DAB1: variants seen among roughly 807,000 people sequenced by gnomAD.
The protein encoded by DAB1 is DAB adaptor protein 1.
A neutral mutation model predicts 64.6 loss-of-function variants in DAB1; 15 were observed. That is an observed-to-expected ratio of 0.23 (90% CI 0.16 to 0.36). The LOEUF (loss-of-function observed/expected upper bound fraction) is 0.36. Among genes scored for constraint, DAB1 ranks in the 10% least tolerant of loss-of-function variants. The probability of loss-of-function intolerance (pLI) is 1.00; values close to 1 mark genes in which losing one functional copy is unlikely to be tolerated. For missense variants in DAB1, 596 were observed against 706.7 expected (o/e 0.84, Z 1.78); for synonymous variants, 235 against 251.9 (o/e 0.93, Z 0.64).
At chr1:57,489,298 A>T (rs1021482665) in intron 7 of DAB1, among the ~76,000 whole-genome samples, 1 of 152,228 alleles carries the variant, frequency 6.6e-6, no homozygotes, top group African/African-American at 2.4e-5. Flanking sequence ...TACATGAATG[A>T]GAAACAGTTG....
At chr1:58,196,939 C>T (rs1413594293) in intron 4 of DAB1, among the ~76,000 whole-genome samples, 1 of 152,230 alleles carries the variant, frequency 6.6e-6, no homozygotes, top group Non-Finnish European at 1.5e-5. Flanking sequence ...CTACATGTTT[C>T]AGCTTCCCTT....
At chr1:58,407,564 A>G (rs1644628125) in intron 3 of DAB1, among the ~76,000 whole-genome samples, 1 of 152,152 alleles carries the variant, frequency 6.6e-6, no homozygotes, top group South Asian at 2.1e-4. Flanking sequence ...GAAGCCAAGG[A>G]TGCTGCTAAG....
intron 5 of DAB1, among the ~76,000 whole-genome samples, chr1:58,147,021 C>T (rs1363872433): frequency 6.6e-6 from 1 of 152,082 alleles, no homozygotes; most frequent in Admixed American, 6.6e-5. Flanking sequence ...ATAGTATAGC[C>T]ATTGGCTAGG....
chr1:57,638,532 C>T (rs1370250310), intron 7 of DAB1, among the ~76,000 whole-genome samples: 1 of 152,114 alleles, frequency 6.6e-6, no homozygotes, highest in Admixed American at 6.5e-5. Flanking sequence ...ATCATCATAA[C>T]TCAGCTTAGT....
chr1:57,227,054 T>C (rs1265049543), intron 2 of DAB1, among the ~76,000 whole-genome samples: 3 of 151,180 alleles, frequency 2.0e-5, no homozygotes, highest in Admixed American at 6.6e-5. Context: ...CATGTGCCTG[T>C]AGTCCCAGCT....
intron 4 of DAB1, among the ~76,000 whole-genome samples, chr1:58,283,162 CTT>C (rs1661604422): frequency 6.6e-6 from 1 of 151,792 alleles, no homozygotes; most frequent in Admixed American, 6.6e-5. Context: ...GCTCTCCTCT[CTT>C]GTTCTCATTC....
intron 5 of DAB1, among the ~76,000 whole-genome samples, chr1:58,017,029 T>C (rs1489856885): frequency 6.6e-6 from 1 of 152,124 alleles, no homozygotes; most frequent in Non-Finnish European, 1.5e-5. Flanking sequence ...GTTGAATCTC[T>C]TGCCCATGGT....
At chr1:57,086,672 C>A (rs1653110682) in intron 4 of DAB1, among the ~76,000 whole-genome samples, 1 of 150,544 alleles carries the variant, frequency 6.6e-6, no homozygotes, top group Non-Finnish European at 1.5e-5. Flanking sequence ...CACACACACA[C>A]ACACACACAC....
intron 1 of DAB1, among the ~76,000 whole-genome samples, chr1:57,362,281 C>A (rs1679614490): frequency 1.3e-5 from 2 of 152,080 alleles, no homozygotes; most frequent in Admixed American, 1.3e-4. Flanking sequence ...CATGTGGAGT[C>A]CTTAAAAGAG....
rs114776956 is a variant in DAB1 at position 57,634,416 on chromosome 1, A to G, written n.625+15176T>C. Reference sequence around the variant, plus strand: ...TGTGTTAAAATAGAGATAATAATATATAATCTTTTAGGATTACTCTAAGGA... The same window carrying G: ...TGTGTTAAAATAGAGATAATAATATGTAATCTTTTAGGATTACTCTAAGGA... On this transcript the variant is annotated intron_variant and non_coding_transcript_variant, in intron 7 of 20. Coordinates refer to the DAB1 transcript ENST00000485760. Among the ~76,000 whole-genome samples the G allele has an allele frequency of 7.6e-3, 1,161 of 152,364 alleles. 18 individuals carry two copies. Among genetic ancestry groups the G allele is most frequent in the African/African-American group, 0.027 (1,116 of 41,580 alleles).
At chr1:58,211,897 C>T (rs534513261) in intron 4 of DAB1, among the ~76,000 whole-genome samples, 7 of 152,198 alleles carry the variant, frequency 4.6e-5, no homozygotes, top group South Asian at 2.1e-4. Flanking sequence ...CGTTTTCAGA[C>T]GCTCTGTCCT....
intron 9 of DAB1, among the ~76,000 whole-genome samples, chr1:57,053,688 A>ATATATATATATTT (rs1447741565): frequency 2.7e-4 from 19 of 71,420 alleles, no homozygotes; most frequent in Non-Finnish European, 3.8e-4. Flanking sequence ...ATATATATAT[A>ATATATATATATTT]TTTTTTTTTT....
At chr1:58,235,501 G>A (rs1250623902) in intron 4 of DAB1, among the ~76,000 whole-genome samples, 1 of 152,180 alleles carries the variant, frequency 6.6e-6, no homozygotes, top group Non-Finnish European at 1.5e-5. Flanking sequence ...TAGACTGGGA[G>A]CCCTGAACCC....
intron 4 of DAB1, among the ~76,000 whole-genome samples, chr1:58,188,453 G>A (rs899587208): frequency 4.6e-5 from 7 of 152,238 alleles, no homozygotes; most frequent in African/African-American, 1.7e-4. Context: ...GGGTATTCAG[G>A]TACTGAGTTT....
At chr1:57,245,588 A>T (rs945390532) in intron 2 of DAB1, among the ~76,000 whole-genome samples, 2 of 152,176 alleles carry the variant, frequency 1.3e-5, no homozygotes, top group Non-Finnish European at 2.9e-5. Flanking sequence ...AGCTTCATCC[A>T]TGTCCCTGCA....
intron 2 of DAB1, among the ~76,000 whole-genome samples, chr1:57,225,123 A>G (rs1172144735): frequency 6.6e-6 from 1 of 152,134 alleles, no homozygotes; most frequent in Non-Finnish European, 1.5e-5. Flanking sequence ...ATCCTTTGTG[A>G]TAAAAGGAAC....
chr1:57,363,448 T>C (rs886575895), intron 1 of DAB1, among the ~76,000 whole-genome samples: 7 of 152,128 alleles, frequency 4.6e-5, no homozygotes, highest in Admixed American at 3.9e-4. Context: ...AGAACACATT[T>C]CCAAATCCCA....
At chr1:57,312,226 T>C (rs1204323108) in intron 1 of DAB1, among the ~76,000 whole-genome samples, 2 of 152,250 alleles carry the variant, frequency 1.3e-5, no homozygotes, top group South Asian at 2.1e-4. Context: ...TAGATGAGAG[T>C]TTAGAAATAA....
At chr1:57,077,416 T>C (rs1226543641) in intron 4 of DAB1, among the ~76,000 whole-genome samples, 3 of 152,018 alleles carry the variant, frequency 2.0e-5, no homozygotes, top group Non-Finnish European at 4.4e-5. Flanking sequence ...AGAAAGGAAG[T>C]ACAGGATGAA....
Sources: allele counts gnomAD v4.1 joint callset (sites outside exome capture counted in the v4.1 genomes callset), GRCh38; gene constraint gnomAD v4.1.1; transcripts MANE v1.5; gene names NCBI Gene and HGNC (gene_info 2026-07-23, HGNC 2026-07-21).